The following NF1 variants were observed in gnomAD, a reference collection of about 807,000 sequenced individuals.
The protein encoded by NF1 is neurofibromin 1.
In NF1, 122 loss-of-function variants were observed where a neutral mutation model predicts 325.7. The ratio of observed to expected loss-of-function variants is 0.37; its 90% CI spans 0.32 to 0.44. The LOEUF is 0.44. Among genes scored for constraint, NF1 ranks in the 20% least tolerant of loss-of-function variants. NF1 has a pLI of 1.00. For synonymous variants in NF1, 1,091 were observed against 1,186.0 expected (o/e 0.92, Z 1.65); for missense variants, 2,140 against 3,415.4 (o/e 0.63, Z 9.31).
chr17:31,234,060 G>A (rs920160465), intron 27 of NF1, among the ~76,000 whole-genome samples: 2 of 152,172 alleles, frequency 1.3e-5, no homozygotes, highest in Non-Finnish European at 2.9e-5. Context: ...CACCCTTGCT[G>A]CTGCCACCAC....
chr17:31,305,662 A>C, intron 36 of NF1: 1 of 1,543,794 alleles, frequency 6.5e-7, no homozygotes. Flanking sequence ...AGAGAAAGAC[A>C]GTTAGGCGTC....
intron 8 of NF1, among the ~76,000 whole-genome samples, chr17:31,187,021 C>T (rs927455313): frequency 2.0e-5 from 3 of 152,200 alleles, no homozygotes; most frequent in Non-Finnish European, 4.4e-5. Context: ...TAGACACTTA[C>T]TCCTGATATG....
At chr17:31,132,727 C>G (rs190074212) in intron 1 of NF1, among the ~76,000 whole-genome samples, 1 of 151,946 alleles carries the variant, frequency 6.6e-6, no homozygotes, top group Non-Finnish European at 1.5e-5. Flanking sequence ...AGTACAGTGG[C>G]GTGATCTCAG....
intron 1 of NF1, among the ~76,000 whole-genome samples, chr17:31,106,807 A>G (rs1344882044): frequency 2.0e-5 from 3 of 152,206 alleles, no homozygotes; most frequent in African/African-American, 7.2e-5. Flanking sequence ...TATATAATAC[A>G]CTTATTGTAC....
chr17:31,370,185 A>T (rs1372384699), intron 57 of NF1, among the ~76,000 whole-genome samples: 1 of 152,214 alleles, frequency 6.6e-6, no homozygotes, highest in Non-Finnish European at 1.5e-5. Flanking sequence ...AAGAATTTAG[A>T]TGAAAAATGA....
At chr17:31,361,090 A>G (rs1415687428) in intron 57 of NF1, 2 of 156,760 alleles carry the variant, frequency 1.3e-5, no homozygotes, top group African/African-American at 2.5e-5. Context: ...TCAAAAAAAA[A>G]AAAAAAAAAA....
In NF1 at chr17:31,364,758, G is replaced by A. The variant is rs1368988905; in HGVS notation, c.8377+4055G>A. Among the ~76,000 whole-genome samples, 2 of 152,112 alleles carry A rather than the reference G, an allele frequency of 1.3e-5. 1 individual carries two copies. The highest frequency in any genetic ancestry group is 4.1e-4 in the South Asian group (2 of 4,820). On this transcript the variant is annotated intron_variant, in intron 57 of 57. Transcript: ENST00000358273. The stretch of plus-strand genomic sequence containing the variant: ...CCCTCCCTAGTAGAAATTGAATTTG[G>A]CATCAGTGGAGCCAGTGACTGTACC...
intron 36 of NF1, among the ~76,000 whole-genome samples, chr17:31,312,530 A>G (rs1301920685): frequency 1.3e-5 from 2 of 151,944 alleles, no homozygotes; most frequent in East Asian, 3.9e-4. Context: ...AAAAAAAAAA[A>G]AAAAAGTATG....
At chr17:31,308,688 A>T (rs1219088607) in intron 36 of NF1, among the ~76,000 whole-genome samples, 3 of 151,566 alleles carry the variant, frequency 2.0e-5, no homozygotes, top group Admixed American at 6.6e-5. Context: ...CTGGCTGCAT[A>T]TCTGAATCTG....
chr17:31,305,935 TACTTC>T (rs998770690), intron 36 of NF1, among the ~76,000 whole-genome samples: 2 of 152,200 alleles, frequency 1.3e-5, no homozygotes, highest in African/African-American at 4.8e-5. Context: ...TATATTTCAG[TACTTC>T]ACTTAGTCAT....
chr17:31,262,961 T>C lies in NF1; in HGVS notation c.4724+1104T>C, dbSNP rs545106740. Among the ~76,000 whole-genome samples the C allele has an allele frequency of 2.2e-4, 34 of 152,166 alleles. No individual in the cohort carries two copies. In the South Asian group the frequency reaches 6.9e-3, roughly 31 times the overall value. ...ATTTTGAGAGGCCAAGGTGAGAGAA[T>C]TGCTGGAGGCCAGGAGTTCAAGACC... On this transcript the variant is annotated intron_variant, in intron 35 of 57. Coordinates refer to ENST00000358273, the MANE Select transcript of NF1 (RefSeq NM_001042492.3).
chr17:31,130,567 C>T (rs1567802991), intron 1 of NF1, among the ~76,000 whole-genome samples: 2 of 141,738 alleles, frequency 1.4e-5, no homozygotes, highest in African/African-American at 5.4e-5. Context: ...ATGCTGGCTT[C>T]AGTGGCCGGT....
At chr17:31,221,317 G>C (rs903734812) in intron 14 of NF1, among the ~76,000 whole-genome samples, 2 of 152,066 alleles carry the variant, frequency 1.3e-5, no homozygotes, top group Non-Finnish European at 1.5e-5. Flanking sequence ...AAATACTTTA[G>C]AATGGATAAT....
In NF1 at chr17:31,201,385, C is replaced by G. The variant is rs769256106; in HGVS notation, c.1186-26C>G. ...TGAGTATTTTTCTCATAGAAATAAT[C>G]TGCTTTTTTTTTTCTTTTTCTATAG... is the stretch of plus-strand genomic sequence containing the variant. On this transcript the variant is annotated intron_variant, in intron 10 of 57. Transcript: ENST00000358273. The G allele has an allele frequency of 3.8e-6, 6 of 1,578,436 alleles. No individual in the cohort carries two copies. The East Asian group carries it at 1.3e-4, about 35-fold the overall frequency.
At chr17:31,339,571 C>G (rs2099952055) in intron 46 of NF1, among the ~76,000 whole-genome samples, 1 of 152,082 alleles carries the variant, frequency 6.6e-6, no homozygotes. Context: ...TACAAGCATT[C>G]TAATTTTGTA....
intron 14 of NF1, among the ~76,000 whole-genome samples, chr17:31,220,087 ACT>A (rs1415704585): frequency 3.3e-5 from 5 of 152,216 alleles, no homozygotes; most frequent in East Asian, 3.9e-4. Context: ...TCGTGTGGTA[ACT>A]CTGTCGAACT....
chr17:31,203,346 T>A (rs1024499701), intron 11 of NF1, among the ~76,000 whole-genome samples: 1 of 152,230 alleles, frequency 6.6e-6, no homozygotes, highest in Non-Finnish European at 1.5e-5. Flanking sequence ...TTTTTAAACA[T>A]TAAGTATCAG....
chr17:31,229,816 G>GT lies in NF1; in HGVS notation c.2851-18dup. 6.2e-7 allele frequency: 1 copy of GT among 1,611,226 alleles called. No homozygotes were observed. On this transcript the variant is annotated intron_variant, in intron 21 of 57. Transcript: ENST00000358273. ...TGGGCATTGATGGCAAATCATTAAT[G>GT]TATTTGTTCTTTCTTTAGGTTTTAT...
At chr17:31,175,093 G>A (rs1339504288) in intron 5 of NF1, among the ~76,000 whole-genome samples, 2 of 98,214 alleles carry the variant, frequency 2.0e-5, no homozygotes, top group East Asian at 3.4e-4. Context: ...GAGCGACAGA[G>A]CAAGACTCCA....
Sources: allele counts gnomAD v4.1 joint callset (sites outside exome capture counted in the v4.1 genomes callset), GRCh38; gene constraint gnomAD v4.1.1; transcripts MANE v1.5; gene names NCBI Gene and HGNC (gene_info 2026-07-23, HGNC 2026-07-21).